Variants in UGT1A10 observed in about 807,000 individuals in gnomAD.
UGT1A10 encodes UDP-glucuronosyltransferase 1A10.
UGT1A10 carries 49 observed loss-of-function variants against 45.8 expected under a neutral mutation model. That is an observed-to-expected ratio of 1.07 (90% CI 0.85 to 1.36). UGT1A10 has a LOEUF of 1.36. Ranked by LOEUF, UGT1A10 falls within the 40% of genes most tolerant of loss-of-function variation. UGT1A10 has a pLI of 0.00. For missense variants in UGT1A10, 745 were observed against 668.6 expected, an observed-to-expected ratio of 1.11 and a Z score of -1.26; for synonymous variants, 284 against 249.7, an observed-to-expected ratio of 1.14 and a Z score of -1.29.
chr2:233,689,597 C>G (rs2074950775), intron 1 of UGT1A10, among the ~76,000 whole-genome samples: 1 of 152,146 alleles, frequency 6.6e-6, no homozygotes, highest in African/African-American at 2.4e-5. Flanking sequence ...GGAAGAGAAG[C>G]TTGGTTTAAA....
chr2:233,729,524 A>G, intron 1 of UGT1A10: 1 of 1,614,234 alleles, frequency 6.2e-7, no homozygotes, highest in South Asian at 1.1e-5. Flanking sequence ...GAGCTACTAC[A>G]TAATGAGGCC....
At chr2:233,721,187 A>G (rs1363550880) in intron 1 of UGT1A10, among the ~76,000 whole-genome samples, 3 of 152,172 alleles carry the variant, frequency 2.0e-5, no homozygotes, top group Admixed American at 1.3e-4. Flanking sequence ...AAACCACAAG[A>G]TATTTGTTCT....
intron 1 of UGT1A10, among the ~76,000 whole-genome samples, chr2:233,702,352 T>C (rs891619991): frequency 3.9e-5 from 6 of 152,206 alleles, no homozygotes; most frequent in African/African-American, 1.2e-4. Flanking sequence ...TCTAATAGTT[T>C]TTTTTTAGTG....
rs1320189051 is a variant in UGT1A10, at chr2:233,757,543, T to TAC, written c.856-9490_856-9489insCA. Reference sequence around the variant, plus strand: ...AAATCTTGCCTGTAAGGAATATATATATATATATATATATATATGTATATA... The same window carrying TAC: ...AAATCTTGCCTGTAAGGAATATATATACATATATATATATATATATGTATATA... On this transcript the variant is annotated intron_variant, in intron 1 of 4. Coordinates refer to ENST00000344644, the MANE Select transcript of UGT1A10 (RefSeq NM_019075.4). Among the ~76,000 whole-genome samples the TAC allele has an allele frequency of 2.8e-3, 329 of 117,124 alleles. 12 individuals carry two copies. The highest frequency in any genetic ancestry group is 3.5e-3 in the African/African-American group (97 of 28,034). 76.8% of individuals were successfully genotyped at this position (117,124 alleles called of 152,430 possible). A position where few individuals can be genotyped will look rare whatever the true frequency, so the allele number is the denominator to read the frequency against.
At chr2:233,662,851 A>G (rs1406584248) in intron 1 of UGT1A10, among the ~76,000 whole-genome samples, 1 of 144,666 alleles carries the variant, frequency 6.9e-6, no homozygotes, top group African/African-American at 2.6e-5. Flanking sequence ...TGAATTTTGG[A>G]CTCTGTCAAA....
At chr2:233,680,822 A>G (rs1407196023) in intron 1 of UGT1A10, among the ~76,000 whole-genome samples, 2 of 152,166 alleles carry the variant, frequency 1.3e-5, no homozygotes, top group Non-Finnish European at 2.9e-5. Context: ...TCTGTTCAGA[A>G]TGCAGAAGCA....
At chr2:233,643,814 C>T (rs181257101) in intron 1 of UGT1A10, among the ~76,000 whole-genome samples, 2 of 152,260 alleles carry the variant, frequency 1.3e-5, no homozygotes, top group East Asian at 1.9e-4. Flanking sequence ...AGGTTCCCTT[C>T]TAGCCCAGGG....
At chr2:233,706,032 T>G (rs887467227) in intron 1 of UGT1A10, among the ~76,000 whole-genome samples, 4 of 152,014 alleles carry the variant, frequency 2.6e-5, no homozygotes, top group African/African-American at 4.8e-5. Flanking sequence ...GAGGCAGAGG[T>G]TGCAGTGAGC....
At chr2:233,734,911 G>C (rs1486210050) in intron 1 of UGT1A10, among the ~76,000 whole-genome samples, 1 of 152,162 alleles carries the variant, frequency 6.6e-6, no homozygotes, top group African/African-American at 2.4e-5. Context: ...TTTTACATTT[G>C]CTAAGGAGTG....
chr2:233,653,721 T>A, intron 1 of UGT1A10, among the ~76,000 whole-genome samples: 1 of 152,148 alleles, frequency 6.6e-6, no homozygotes, highest in East Asian at 1.9e-4. Context: ...CTCAGCCTCC[T>A]GGGTAGCTGG....
At chr2:233,693,552 G>A in intron 1 of UGT1A10, 3 of 1,614,184 alleles carry the variant, frequency 1.9e-6, no homozygotes, top group Non-Finnish European at 2.5e-6. Context: ...CATACATTCA[G>A]CAGAAGCCCA....
intron 1 of UGT1A10, among the ~76,000 whole-genome samples, chr2:233,703,677 AT>A (rs1271383463): frequency 6.6e-5 from 10 of 151,954 alleles, no homozygotes; most frequent in African/African-American, 1.7e-4. Flanking sequence ...TTCATGATAT[AT>A]TTTTTTTCCA....
chr2:233,657,021 A>G (rs1295826838), intron 1 of UGT1A10, among the ~76,000 whole-genome samples: 1 of 151,964 alleles, frequency 6.6e-6, no homozygotes, highest in Non-Finnish European at 1.5e-5. Flanking sequence ...GTCTTTATGA[A>G]ATCCCTGGTG....
At chr2:233,639,386 G>C (rs1322239823) in intron 1 of UGT1A10, among the ~76,000 whole-genome samples, 1 of 152,142 alleles carries the variant, frequency 6.6e-6, no homozygotes, top group Non-Finnish European at 1.5e-5. Context: ...AAAGAGCCTT[G>C]GATATGGCCC....
intron 1 of UGT1A10, among the ~76,000 whole-genome samples, chr2:233,637,999 C>G (rs2125460507): frequency 6.6e-6 from 1 of 152,136 alleles, no homozygotes; most frequent in Non-Finnish European, 1.5e-5. Context: ...CCACTCTTTC[C>G]TTTTGTGAAT....
At chr2:233,735,488 T>C (rs1165192610) in intron 1 of UGT1A10, among the ~76,000 whole-genome samples, 1 of 152,208 alleles carries the variant, frequency 6.6e-6, no homozygotes, top group African/African-American at 2.4e-5. Flanking sequence ...TGTTTTTTAA[T>C]TGCAGCATTT....
intron 1 of UGT1A10, among the ~76,000 whole-genome samples, chr2:233,679,467 T>C (rs182455239): frequency 2.0e-5 from 3 of 152,340 alleles, no homozygotes; most frequent in African/African-American, 7.2e-5. Context: ...CACAAAACAG[T>C]AGAGTTAGCC....
intron 1 of UGT1A10, chr2:233,708,627 T>C (rs2076026553): frequency 6.6e-6 from 1 of 152,184 alleles, no homozygotes; most frequent in Non-Finnish European, 1.5e-5. Flanking sequence ...AGCGTGTGCC[T>C]GTAGACCTAA....
intron 1 of UGT1A10, among the ~76,000 whole-genome samples, chr2:233,664,309 T>G (rs2074032862): frequency 6.6e-6 from 1 of 152,224 alleles, no homozygotes; most frequent in African/African-American, 2.4e-5. Flanking sequence ...AACGTCTGCC[T>G]GCTACCAAGT....
Sources: gnomAD v4.1 joint callset for allele counts (sites outside exome capture counted in the v4.1 genomes callset) on GRCh38, gnomAD v4.1.1 for gene constraint, MANE v1.5 for transcripts, NCBI Gene and HGNC (gene_info 2026-07-23, HGNC 2026-07-21) for gene names.